ERBB4: variants seen among roughly 807,000 people sequenced by gnomAD.
ERBB4 encodes receptor tyrosine-protein kinase erbB-4.
In ERBB4, 42 loss-of-function variants were observed where a neutral mutation model predicts 158.0. The observed-to-expected ratio is 0.27, with a 90% CI of 0.21 to 0.34. ERBB4 has a LOEUF of 0.34. Ranked by LOEUF, ERBB4 falls within the 10% of genes least tolerant of loss-of-function variation. The pLI is 1.00. For missense variants in ERBB4, 1,333 were observed against 1,624.1 expected (o/e 0.82, Z 3.08); for synonymous variants, 583 against 558.7 (o/e 1.04, Z -0.61).
rs532104841 is a variant in ERBB4 at position 211,534,116 on chromosome 2, C to T, written c.2487+27787G>A. On this transcript the variant is annotated intron_variant, in intron 20 of 27. Transcript: ENST00000342788. ...ATAATCCTTTCAGTTTTAAATCCTT[C>T]TCAGAGTAGGAATCCGTTGCTATCA... Among the ~76,000 whole-genome samples, 5 of 152,182 alleles carry T rather than the reference C, an allele frequency of 3.3e-5. No homozygotes were observed. In the South Asian group the frequency reaches 1.0e-3, roughly 31 times the overall value.
chr2:212,213,991 G>T (rs757283336), intron 1 of ERBB4, among the ~76,000 whole-genome samples: 4 of 151,958 alleles, frequency 2.6e-5, no homozygotes, highest in Middle Eastern at 3.4e-3. Context: ...TCACCAAGCC[G>T]TGCAAGGACA....
Position 211,481,248 on chromosome 2 carries a change from A to T in ERBB4, c.2488-50148T>A, listed in dbSNP as rs114571941. ...AGAAAGAGATAATTGATATGAAGAG[A>T]TGAAAAAAAACTAAACAAAATAGAA... On this transcript the variant is annotated intron_variant, in intron 20 of 27. Transcript: ENST00000342788. Among the ~76,000 whole-genome samples, 1,440 of 152,296 alleles carry T rather than the reference A, an allele frequency of 9.5e-3. 8 individuals are homozygous for T. The highest frequency in any genetic ancestry group is 0.015 in the Non-Finnish European group (1,030 of 68,014).
chr2:212,076,865 G>A (rs527715522), intron 2 of ERBB4, among the ~76,000 whole-genome samples: 1 of 151,976 alleles, frequency 6.6e-6, no homozygotes, highest in South Asian at 2.1e-4. Context: ...GCAAGCCACC[G>A]AAAGGGTACA....
At position 211,560,262 on chromosome 2, in the gene ERBB4, C is replaced by CTTTTTTTTTTTTTTTTTTTTTTT. The variant is rs769707072; in HGVS notation, c.2487+1618_2487+1640dup. ...CAGCACTAACAAATTTGAAGCTTAG[C>CTTTTTTTTTTTTTTTTTTTTTTT]TTTTTTTTTTTTTTTTTTTTTTTTT... On this transcript the variant is annotated intron_variant, in intron 20 of 27. Transcript: ENST00000342788. 2.4e-4 allele frequency among the ~76,000 whole-genome samples: 11 copies of CTTTTTTTTTTTTTTTTTTTTTTT among 46,312 alleles called. 3 individuals are homozygous for CTTTTTTTTTTTTTTTTTTTTTTT. Among genetic ancestry groups the CTTTTTTTTTTTTTTTTTTTTTTT allele is most frequent in the African/African-American group, 5.7e-4 (6 of 10,454 alleles). 30.4% of individuals were successfully genotyped at this position (46,312 alleles called of 152,430 possible).
chr2:211,530,153 T>C (rs1354785752), intron 20 of ERBB4, among the ~76,000 whole-genome samples: 3 of 152,134 alleles, frequency 2.0e-5, no homozygotes, highest in Non-Finnish European at 4.4e-5. Context: ...TCAGTAAAGT[T>C]GCAGGATACA....
intron 1 of ERBB4, among the ~76,000 whole-genome samples, chr2:212,513,814 A>AAAATAAAT (rs144146912): frequency 1.3e-4 from 19 of 151,892 alleles, no homozygotes; most frequent in South Asian, 4.2e-4. Context: ...TCCGTCTCAA[A>AAAATAAAT]AAATAAATAA....
intron 3 of ERBB4, among the ~76,000 whole-genome samples, chr2:211,846,183 G>A (rs2077584195): frequency 6.6e-6 from 1 of 151,674 alleles, no homozygotes; most frequent in Non-Finnish European, 1.5e-5. Context: ...TGAGATTAAT[G>A]CAGCTTTTCA....
At chr2:211,491,742 C>A (rs964293212) in intron 20 of ERBB4, among the ~76,000 whole-genome samples, 4 of 151,926 alleles carry the variant, frequency 2.6e-5, no homozygotes, top group Non-Finnish European at 5.9e-5. Flanking sequence ...TAAAATAAAT[C>A]ATGAATGAGA....
At chr2:211,950,733 G>A (rs925772549) in intron 2 of ERBB4, among the ~76,000 whole-genome samples, 1 of 152,156 alleles carries the variant, frequency 6.6e-6, no homozygotes, top group African/African-American at 2.4e-5. Context: ...TCCTAAGACA[G>A]TGAGTGTCTT....
At chr2:211,920,518 T>C (rs1186337809) in intron 3 of ERBB4, among the ~76,000 whole-genome samples, 25 of 151,952 alleles carry the variant, frequency 1.6e-4, no homozygotes, top group Admixed American at 1.6e-3. Flanking sequence ...CAAAGAATTT[T>C]AAAACCTCCA....
intron 4 of ERBB4, chr2:211,777,329 T>A (rs1476831070): frequency 6.6e-6 from 1 of 152,156 alleles, no homozygotes; most frequent in Admixed American, 6.6e-5. Context: ...TGAGGGGGAC[T>A]TAACCAAACA....
chr2:211,658,828 G>A (rs1353841112), intron 15 of ERBB4, among the ~76,000 whole-genome samples: 1 of 152,092 alleles, frequency 6.6e-6, no homozygotes, highest in Non-Finnish European at 1.5e-5. Flanking sequence ...CTAATGTGCA[G>A]TCCCTAGAAT....
chr2:211,620,234 A>G (rs182988600), intron 18 of ERBB4, among the ~76,000 whole-genome samples: 1 of 152,192 alleles, frequency 6.6e-6, no homozygotes, highest in Admixed American at 6.5e-5. Context: ...AAAAATCTCA[A>G]ATTTTAGCTT....
At chr2:212,515,875 A>G (rs75639407) in intron 1 of ERBB4, among the ~76,000 whole-genome samples, 2,212 of 152,156 alleles carry the variant, frequency 0.015, 49 homozygotes, top group African/African-American at 0.051. Flanking sequence ...ATGTAACTCA[A>G]AAGAGTTATC....
At chr2:212,231,232 G>T (rs1261978298) in intron 1 of ERBB4, among the ~76,000 whole-genome samples, 3 of 151,468 alleles carry the variant, frequency 2.0e-5, no homozygotes, top group Non-Finnish European at 4.4e-5. Context: ...TTCACACTAA[G>T]AATGAAGAAA....
At chr2:211,653,917 GC>G (rs1396557904) in intron 16 of ERBB4, among the ~76,000 whole-genome samples, 1 of 151,976 alleles carries the variant, frequency 6.6e-6, no homozygotes, top group Admixed American at 6.6e-5. Context: ...CTTGTGATCT[GC>G]CCGCCTCGGC....
intron 5 of ERBB4, among the ~76,000 whole-genome samples, chr2:211,732,713 C>A (rs2074464396): frequency 6.6e-6 from 1 of 152,110 alleles, no homozygotes; most frequent in Non-Finnish European, 1.5e-5. Context: ...AATCCCAGCA[C>A]TTTGGAAGGC....
intron 1 of ERBB4, among the ~76,000 whole-genome samples, chr2:212,172,370 CCTAGAGG>C (rs2125674308): frequency 6.6e-6 from 1 of 152,148 alleles, no homozygotes; most frequent in East Asian, 1.9e-4. Context: ...TCCTCAAAGA[CCTAGAGG>C]CAGAAATACC....
At chr2:212,165,930 T>C (rs913175885) in intron 1 of ERBB4, among the ~76,000 whole-genome samples, 1 of 152,060 alleles carries the variant, frequency 6.6e-6, no homozygotes, top group Non-Finnish European at 1.5e-5. Context: ...TTTGCTTTAA[T>C]CAAAAACTGT....
Sources: gnomAD v4.1 joint callset for allele counts (sites outside exome capture counted in the v4.1 genomes callset) on GRCh38, gnomAD v4.1.1 for gene constraint, MANE v1.5 for transcripts, NCBI Gene and HGNC (gene_info 2026-07-23, HGNC 2026-07-21) for gene names.